CLYBL: variants seen among roughly 807,000 people sequenced by gnomAD.
CLYBL encodes citramalyl-CoA lyase, also known as citramalyl-CoA lyase, mitochondrial.
In CLYBL, 31 loss-of-function variants were observed where a neutral mutation model predicts 38.9. The ratio of observed to expected loss-of-function variants is 0.80; its 90% CI spans 0.60 to 1.08. The LOEUF (loss-of-function observed/expected upper bound fraction) is 1.08, where lower values mean the gene tolerates loss of function less well. Ranked by LOEUF, CLYBL falls within the 50% of genes least tolerant of loss-of-function variation. The pLI, the probability that CLYBL is intolerant of heterozygous loss-of-function variation, is 0.00. For synonymous variants in CLYBL, 171 were observed against 158.6 expected (o/e 1.08, Z -0.59); for missense variants, 434 against 411.6 (o/e 1.05, Z -0.47).
intron 1 of CLYBL, among the ~76,000 whole-genome samples, chr13:99,729,442 T>C (rs1437439411): frequency 6.6e-6 from 1 of 152,174 alleles, no homozygotes; most frequent in African/African-American, 2.4e-5. Context: ...GAGATAAATG[T>C]ATCTCTGAGG....
At chr13:99,889,376 A>G (rs1246800377) in intron 7 of CLYBL, among the ~76,000 whole-genome samples, 1 of 152,198 alleles carries the variant, frequency 6.6e-6, no homozygotes, top group Non-Finnish European at 1.5e-5. Flanking sequence ...ATTGCCTTGT[A>G]AAACAGCATG....
In CLYBL at chr13:99,865,494, C is replaced by T. The variant is rs1469776200; in HGVS notation, c.634+583C>T. ...GGGGTCTGCATGTTTGACTGGAGAC[C>T]GTGAAGCATTTAGAAAAGAGGCCGA... On this transcript the variant is annotated intron_variant, in intron 5 of 8. Coordinates refer to ENST00000339105, the MANE Select transcript of CLYBL (RefSeq NM_206808.5). This position sits in a 1 kb window ranked among gnomAD's most constrained non-coding sequence, Gnocchi z 4.7. Among the ~76,000 whole-genome samples the T allele has an allele frequency of 2.6e-5, 4 of 152,232 alleles. No homozygotes were observed. Among genetic ancestry groups the T allele is most frequent in the African/African-American group, 7.2e-5 (3 of 41,520 alleles).
At chr13:99,747,124 C>T (rs2048865412) in intron 1 of CLYBL, among the ~76,000 whole-genome samples, 1 of 152,136 alleles carries the variant, frequency 6.6e-6, no homozygotes, top group Non-Finnish European at 1.5e-5. Flanking sequence ...AAGGCAAATA[C>T]CCACTAACAG....
chr13:99,818,828 A>G (rs1331010370), intron 2 of CLYBL, among the ~76,000 whole-genome samples: 1 of 152,194 alleles, frequency 6.6e-6, no homozygotes, highest in African/African-American at 2.4e-5. Context: ...CACTTAGCAC[A>G]CCAGAAGCAT....
chr13:99,807,019 C>A (rs1480164638), intron 2 of CLYBL, among the ~76,000 whole-genome samples: 1 of 152,152 alleles, frequency 6.6e-6, no homozygotes, highest in Non-Finnish European at 1.5e-5. Context: ...TTAGAGCTAC[C>A]CTAGTGCTTC....
At chr13:99,785,191 C>CTTTTTTTTTT (rs58550861) in intron 2 of CLYBL, among the ~76,000 whole-genome samples, 1 of 34,184 alleles carries the variant, frequency 2.9e-5, no homozygotes, top group Non-Finnish European at 4.6e-5. Context: ...CCCCGCCTGG[C>CTTTTTTTTTT]TTTTTTTTTT....
intron 1 of CLYBL, chr13:99,690,580 C>A (rs564010412): frequency 6.6e-6 from 1 of 152,056 alleles, no homozygotes; most frequent in Non-Finnish European, 1.5e-5. Context: ...ATCAGTGTTC[C>A]GGTTCTATTT....
Position 99,825,484 on chromosome 13 carries a change from C to T in CLYBL, c.250-33377C>T, listed in dbSNP as rs556528448. On this transcript the variant is annotated intron_variant, in intron 2 of 8. Coordinates refer to ENST00000339105, the MANE Select transcript of CLYBL (RefSeq NM_206808.5). ...CACTTTTGTTCCAGGTAGTTTTTCC[C>T]CTTTGGCTTAGTCCCCTTTTTTATG... 3.3e-5 allele frequency among the ~76,000 whole-genome samples: 5 copies of T among 152,160 alleles called. No individual in the cohort carries two copies. In the East Asian group the frequency reaches 9.7e-4, roughly 29 times the overall value.
intron 9 of CLYBL, among the ~76,000 whole-genome samples, chr13:99,908,020 A>C (rs1262985083): frequency 1.3e-5 from 2 of 152,180 alleles, no homozygotes; most frequent in African/African-American, 2.4e-5. Flanking sequence ...ATTGGCAAAA[A>C]AGTAACCTGA....
chr13:99,613,603 G>T (rs1594082982), intron 1 of CLYBL, among the ~76,000 whole-genome samples: 1 of 152,148 alleles, frequency 6.6e-6, no homozygotes, highest in East Asian at 1.9e-4. Context: ...TGGGAGAAGA[G>T]GGAGCGATGG....
At chr13:99,679,485 C>T (rs1265091730) in intron 1 of CLYBL, among the ~76,000 whole-genome samples, 2 of 152,090 alleles carry the variant, frequency 1.3e-5, no homozygotes, top group Non-Finnish European at 2.9e-5. Flanking sequence ...CGTCCATCTT[C>T]CTCACCCGGG....
At chr13:99,637,421 C>G (rs2047034188) in intron 1 of CLYBL, among the ~76,000 whole-genome samples, 1 of 152,106 alleles carries the variant, frequency 6.6e-6, no homozygotes. Context: ...CCCTGTCTTG[C>G]CAGTGAAATG....
Position 99,853,102 on chromosome 13 carries a change from G to T in CLYBL, c.250-5759G>T, listed in dbSNP as rs2139173760. On this transcript the variant is annotated intron_variant, in intron 2 of 8. Transcript: ENST00000339105. ...TTCTGACAAATGTATAGGTTTGCAT[G>T]ACTCAAAGCCATTGTTCTAACATCT... is the stretch of plus-strand genomic sequence containing the variant. 2.6e-5 allele frequency among the ~76,000 whole-genome samples: 4 copies of T among 152,188 alleles called. No individual in the cohort carries two copies. The East Asian group carries it at 7.7e-4, about 29-fold the overall frequency.
At chr13:99,680,898 G>A (rs2047724963) in intron 1 of CLYBL, among the ~76,000 whole-genome samples, 5 of 151,072 alleles carry the variant, frequency 3.3e-5, no homozygotes. Flanking sequence ...GTTGATAAGC[G>A]CCGCATTTTT....
chr13:99,722,107 A>G lies in CLYBL; in HGVS notation c.63-50717A>G, dbSNP rs540687891. Among the ~76,000 whole-genome samples the G allele has an allele frequency of 3.7e-4, 56 of 152,360 alleles. No individual in the cohort carries two copies. The Middle Eastern group carries it at 0.01, about 28-fold the overall frequency. On this transcript the variant is annotated intron_variant, in intron 1 of 8. Transcript: ENST00000339105. The stretch of plus-strand genomic sequence containing the variant: ...GCTTTTAGTTACTTTTCAGAGCTCA[A>G]GCCAGACCTCAGGCCTCCTTCCTGT...
chr13:99,630,615 TTTCTTTCTTCTTTTTG>T, intron 1 of CLYBL, among the ~76,000 whole-genome samples: 1 of 152,298 alleles, frequency 6.6e-6, no homozygotes, highest in South Asian at 2.1e-4. Context: ...GCCTCTCTTT[TTTCTTTCTTCTTTTTG>T]TTCTTTCACC....
Position 99,784,201 on chromosome 13 carries a change from TC to T in CLYBL, c.249+11194del, listed in dbSNP as rs34668722. Among the ~76,000 whole-genome samples the T allele has an allele frequency of 9.0e-3, 1,367 of 152,260 alleles. 20 individuals carry two copies. The highest frequency in any genetic ancestry group is 0.031 in the African/African-American group (1,304 of 41,560). On this transcript the variant is annotated intron_variant, in intron 2 of 8. Coordinates refer to ENST00000339105, the MANE Select transcript of CLYBL (RefSeq NM_206808.5). ...GGAATTAATTCAATCAATTCTTAGA[TC>T]CCAAGAGCTTAGAGTGAGAAGGTTT...
intron 1 of CLYBL, among the ~76,000 whole-genome samples, chr13:99,685,580 C>T (rs1287818740): frequency 6.6e-6 from 1 of 152,162 alleles, no homozygotes; most frequent in Admixed American, 6.5e-5. Flanking sequence ...AGCAAAACTT[C>T]ACTCCTTTAG....
chr13:99,905,002 C>T (rs991669714), intron 8 of CLYBL, among the ~76,000 whole-genome samples: 2 of 151,746 alleles, frequency 1.3e-5, no homozygotes, highest in Non-Finnish European at 2.9e-5. Context: ...ACCTTTTCTG[C>T]TCCCCCACAT....
Sources: allele counts gnomAD v4.1 joint callset (sites outside exome capture counted in the v4.1 genomes callset), GRCh38; gene constraint gnomAD v4.1.1; non-coding constraint Gnocchi (gnomAD v3.1); transcripts MANE v1.5; gene names NCBI Gene and HGNC (gene_info 2026-07-23, HGNC 2026-07-21).